KLF13: variants seen among roughly 807,000 people sequenced by gnomAD.
The protein encoded by KLF13 is KLF transcription factor 13.
A neutral mutation model predicts 16.7 loss-of-function variants in KLF13; 8 were observed. The ratio of observed to expected loss-of-function variants is 0.48; its 90% CI spans 0.28 to 0.87. KLF13 has a LOEUF of 0.87. Among genes scored for constraint, KLF13 ranks in the 40% least tolerant of loss-of-function variants. KLF13 has a pLI of 0.10. For missense variants in KLF13, 447 were observed against 452.2 expected (o/e 0.99, Z 0.10); for synonymous variants, 245 against 208.4 (o/e 1.18, Z -1.51).
At chr15:31,329,136 T>G (rs2038779960) in intron 1 of KLF13, among the ~76,000 whole-genome samples, 1 of 147,482 alleles carries the variant, frequency 6.8e-6, no homozygotes, top group African/African-American at 2.5e-5. Flanking sequence ...ACGTGGCAGG[T>G]GATGGGGTAG....
At chr15:31,427,168 C>T (rs377631030) in intron 1 of KLF13, among the ~76,000 whole-genome samples, 1 of 152,172 alleles carries the variant, frequency 6.6e-6, no homozygotes. Context: ...AGCGAGTTCC[C>T]CTAATAAATC....
chr15:31,349,793 G>C (rs2039187083), intron 1 of KLF13, among the ~76,000 whole-genome samples: 1 of 152,224 alleles, frequency 6.6e-6, no homozygotes, highest in African/African-American at 2.4e-5. Context: ...TGGGCCTGGA[G>C]GGCTTCCTGG....
At chr15:31,432,842 C>T (rs974886202) in intron 1 of KLF13, among the ~76,000 whole-genome samples, 6 of 152,014 alleles carry the variant, frequency 3.9e-5, no homozygotes, top group East Asian at 3.9e-4. Flanking sequence ...AGGCTGGGTG[C>T]GGTAGCTCAT....
intron 1 of KLF13, among the ~76,000 whole-genome samples, chr15:31,328,332 CTCT>C (rs1355005442): frequency 1.3e-5 from 2 of 151,920 alleles, no homozygotes; most frequent in African/African-American, 2.4e-5. Flanking sequence ...ATTCTTCGCT[CTCT>C]TCTTCCTGTA....
chr15:31,335,421 T>TTGTGTGTG lies in KLF13; in HGVS notation c.577+7638_577+7645dup, dbSNP rs1166932948. Among the ~76,000 whole-genome samples, 62 of 108,140 alleles carry TTGTGTGTG rather than the reference T, an allele frequency of 5.7e-4. 1 individual carries two copies. Among genetic ancestry groups the TTGTGTGTG allele is most frequent in the Non-Finnish European group, 6.7e-4 (34 of 50,412 alleles). The allele number at this position is 108,140 out of a possible 152,430, so 70.9% of individuals were successfully genotyped here. A position where few individuals can be genotyped will look rare whatever the true frequency, so the allele number is the denominator to read the frequency against. On this transcript the variant is annotated intron_variant, in intron 1 of 1. Transcript: ENST00000307145. Reference sequence around the variant, plus strand: ...TGTGATCGCCATTTGCTGTTGGGCATTGTGTGTGTGTGTATGTGTGTGTGT... The same window carrying TTGTGTGTG: ...TGTGATCGCCATTTGCTGTTGGGCATTGTGTGTGTGTGTGTGTGTGTATGTGTGTGTGT...
At chr15:31,367,330 G>A (rs975749241) in intron 1 of KLF13, among the ~76,000 whole-genome samples, 3 of 152,194 alleles carry the variant, frequency 2.0e-5, no homozygotes, top group Non-Finnish European at 2.9e-5. Flanking sequence ...CGTGGGGGCC[G>A]CGTCTGCCTG....
rs574519624 is a variant in KLF13 at position 31,414,613 on chromosome 15, T to C, written n.118-20757T>C. The stretch of plus-strand genomic sequence containing the variant: ...AAATATACTTTAAAACAAAATATGT[T>C]GCTGGACATCAGTGGGAATACTTTA... On this transcript the variant is annotated intron_variant and non_coding_transcript_variant, in intron 1 of 1. Transcript: ENST00000558225. Among the ~76,000 whole-genome samples the C allele has an allele frequency of 3.3e-5, 5 of 152,290 alleles. No individual in the cohort carries two copies. In the South Asian group the frequency reaches 1.0e-3, roughly 32 times the overall value.
chr15:31,370,722 T>G (rs551987915), intron 1 of KLF13, among the ~76,000 whole-genome samples: 66 of 152,296 alleles, frequency 4.3e-4, no homozygotes, highest in Non-Finnish European at 2.6e-4. Flanking sequence ...CCTGGCCGTT[T>G]TTGCTCTCTG....
intron 1 of KLF13, among the ~76,000 whole-genome samples, chr15:31,347,366 G>C (rs976346430): frequency 5.9e-5 from 9 of 152,210 alleles, no homozygotes; most frequent in Non-Finnish European, 1.2e-4. Context: ...GCAGGGCTGG[G>C]GATGGGCAGT....
At position 31,327,340 on chromosome 15, in the gene KLF13, C is replaced by G; in HGVS notation, c.128C>G (p.Thr43Ser). The G allele has an allele frequency of 2.3e-6, 3 of 1,277,832 alleles. No individual in the cohort carries two copies. The highest frequency in any genetic ancestry group is 2.0e-6 in the Non-Finnish European group (2 of 1,015,696). 79.2% of individuals were successfully genotyped at this position (1,277,832 alleles called of 1,614,324 possible). Reference protein sequence around the residue: ...SRPEGAAVAATPTLPRVEERR... With the variant: ...SRPEGAAVAASPTLPRVEERR... ...CCCGAGGGCGCGGCCGTGGCCGCCA[C>G]CCCCACGCTGCCCCGCGTCGAGGAG... The change falls in exon 1 of 2, where the codon ACC becomes AGC. Residue 43 changes from threonine (T) to serine (S), a missense_variant. This residue lies in a region of KLF13 where 359 missense variants were observed against 282.8 expected (regional missense o/e 1.27). Coordinates refer to ENST00000307145, the MANE Select transcript of KLF13 (RefSeq NM_015995.4).
intron 1 of KLF13, among the ~76,000 whole-genome samples, chr15:31,423,100 C>CGTATATATATGTATAT (rs1566848059): frequency 1.7e-5 from 1 of 58,670 alleles, no homozygotes; most frequent in Admixed American, 1.7e-4. Context: ...CGTATATATA[C>CGTATATATATGTATAT]GTATACGTAT....
intron 1 of KLF13, among the ~76,000 whole-genome samples, chr15:31,419,610 G>T (rs757124480): frequency 7.2e-5 from 11 of 152,168 alleles, no homozygotes; most frequent in Middle Eastern, 3.2e-3. Context: ...AATTTGAAAT[G>T]ATCAAGTCAC....
intron 1 of KLF13, among the ~76,000 whole-genome samples, chr15:31,331,714 G>C (rs1223266691): frequency 6.6e-6 from 1 of 152,210 alleles, no homozygotes; most frequent in Admixed American, 6.5e-5. Context: ...AGTGGCCCTA[G>C]TTGTGAAACT....
chr15:31,331,208 T>A (rs563557440), intron 1 of KLF13, among the ~76,000 whole-genome samples: 2 of 152,330 alleles, frequency 1.3e-5, no homozygotes, highest in South Asian at 4.1e-4. Flanking sequence ...GCTGGGCCCT[T>A]TCTGGGTTCT....
intron 1 of KLF13, among the ~76,000 whole-genome samples, chr15:31,331,990 G>A (rs1459726198): frequency 1.3e-5 from 2 of 152,212 alleles, no homozygotes; most frequent in Non-Finnish European, 2.9e-5. Flanking sequence ...CCAAGATGTG[G>A]TTATATGGCT....
chr15:31,391,056 A>T (rs2039857585), upstream of KLF13, among the ~76,000 whole-genome samples: 1 of 84,180 alleles, frequency 1.2e-5, no homozygotes, highest in Non-Finnish European at 2.2e-5. Context: ...GGGCTTCTCT[A>T]TGGGGTGGAG....
At chr15:31,389,002 G>A (rs1275169986), upstream of KLF13, among the ~76,000 whole-genome samples, 2 of 152,128 alleles carry the variant, frequency 1.3e-5, no homozygotes, top group East Asian at 3.9e-4. Context: ...TTCCTAATAT[G>A]AAAGATGAAT....
At chr15:31,391,596 C>T (rs1566832264), upstream of KLF13, among the ~76,000 whole-genome samples, 1 of 151,970 alleles carries the variant, frequency 6.6e-6, no homozygotes, top group Non-Finnish European at 1.5e-5. Context: ...GGATTGCCCC[C>T]CACCCCGCCC....
chr15:31,339,515 C>T (rs1385016626), intron 1 of KLF13, among the ~76,000 whole-genome samples: 3 of 152,188 alleles, frequency 2.0e-5, no homozygotes, highest in Admixed American at 6.5e-5. Context: ...AGACACCACA[C>T]GAGGATTTTA....
Sources: gnomAD v4.1 joint callset for allele counts (sites outside exome capture counted in the v4.1 genomes callset) on GRCh38, gnomAD v4.1.1 for gene constraint, gnomAD v4.1.1 regional missense constraint, MANE v1.5 for transcripts, NCBI Gene and HGNC (gene_info 2026-07-23, HGNC 2026-07-21) for gene names.